PICK1: variants seen among roughly 807,000 people sequenced by gnomAD.
The protein encoded by PICK1 is protein interacting with PRKCA 1.
Under a neutral mutation model 48.9 loss-of-function variants are expected in PICK1, and 23 were observed. The observed-to-expected ratio is 0.47, with a 90% confidence interval of 0.34 to 0.67. PICK1 has a LOEUF of 0.67. Ranked by LOEUF, PICK1 falls within the 30% of genes least tolerant of loss-of-function variation. The probability of loss-of-function intolerance (pLI) is 0.01; values close to 1 mark genes in which losing one functional copy is unlikely to be tolerated. For synonymous variants in PICK1, 217 were observed against 228.2 expected, an observed-to-expected ratio of 0.95 and a Z score of 0.44; for missense variants, 423 against 557.1, an observed-to-expected ratio of 0.76 and a Z score of 2.42.
At chr22:38,069,307 A>G (rs2085615567) in intron 6 of PICK1, among the ~76,000 whole-genome samples, 185 bp downstream of exon 6, 1 of 152,218 alleles carries the variant, frequency 6.6e-6, no homozygotes, top group Admixed American at 6.5e-5. Context: ...CGGAGGGTCC[A>G]CAGCTGTCAG....
chr22:38,069,546 A>G (rs546253835), intron 6 of PICK1, among the ~76,000 whole-genome samples: 2 of 152,300 alleles, frequency 1.3e-5, no homozygotes, highest in South Asian at 4.1e-4. Flanking sequence ...GCACATTTAC[A>G]CACGCATGCA....
rs143038203 is a variant in PICK1, at chr22:38,075,625, C to T, written c.*493C>T. On this transcript the variant is annotated 3_prime_UTR_variant, in exon 13 of 13. Transcript: ENST00000356976. Reference sequence around the variant, plus strand: ...CTCGGCGGCCTTTATTTATTCTGTTCCCCCAGCTCGGCCACTTCTCTGAAG... The same window carrying T: ...CTCGGCGGCCTTTATTTATTCTGTTTCCCCAGCTCGGCCACTTCTCTGAAG... The T allele has an allele frequency of 2.2e-3, 346 of 157,784 alleles. 7 individuals carry two copies. In the East Asian group the frequency reaches 0.037, roughly 17 times the overall value. The allele number at this position is 157,784 out of a possible 1,614,324, so 9.8% of individuals were successfully genotyped here.
At chr22:38,072,042 G>C (rs575708748) in intron 8 of PICK1, 369 of 509,716 alleles carry the variant, frequency 7.2e-4, no homozygotes, top group African/African-American at 6.6e-3. Context: ...GCCGACTGCA[G>C]CTGACCCCAG....
chr22:38,066,833 C>G lies in PICK1; in HGVS notation c.283-871C>G, dbSNP rs987282830. Among the ~76,000 whole-genome samples the G allele has an allele frequency of 6.6e-6, 1 of 152,236 alleles. No homozygotes were observed. The highest frequency in any genetic ancestry group is 1.5e-5 in the Non-Finnish European group (1 of 68,048). On this transcript the variant is annotated intron_variant, in intron 4 of 12. Coordinates refer to ENST00000356976, the MANE Select transcript of PICK1 (RefSeq NM_012407.4). The surrounding 1 kb of genome is among the most constrained non-coding windows in gnomAD (Gnocchi z 4.1). ...GATGAGAGTGAACACAGCGCCCTCC[C>G]GTGCTCAGGCAAGTCCTCTTGGGAG... is the stretch of plus-strand genomic sequence containing the variant.
rs1407078714 is a variant in PICK1, at chr22:38,075,395, C to T, written c.*263C>T. 2.0e-6 allele frequency: 1 copy of T among 507,920 alleles called. No individual in the cohort carries two copies. Among genetic ancestry groups the T allele is most frequent in the Non-Finnish European group, 3.5e-6 (1 of 284,930 alleles). The allele number at this position is 507,920 out of a possible 1,614,324, so 31.5% of individuals were successfully genotyped here. A position where few individuals can be genotyped will look rare whatever the true frequency, so the allele number is the denominator to read the frequency against. ...CCAGAGGGAGAGCTTGGTCTCTGGA[C>T]CTGCCTTAGGAAGGAGAGGGAGGGC... On this transcript the variant is annotated 3_prime_UTR_variant, in exon 13 of 13. Coordinates refer to ENST00000356976, the MANE Select transcript of PICK1 (RefSeq NM_012407.4).
rs1445683431 is a variant in PICK1 at position 38,066,436 on chromosome 22, G to A, written c.283-1268G>A. ...CCTCAGGTTGCCCATGAGGACAAGA[G>A]CTCTTTGTATTTGCACACAGCCATG... On this transcript the variant is annotated intron_variant, in intron 4 of 12. Transcript: ENST00000356976. This position sits in a 1 kb window ranked among gnomAD's most constrained non-coding sequence, Gnocchi z 4.1. Among the ~76,000 whole-genome samples, 3 of 152,248 alleles carry A rather than the reference G, an allele frequency of 2.0e-5. No homozygotes were observed. The highest frequency in any genetic ancestry group is 2.9e-5 in the Non-Finnish European group (2 of 68,044).
chr22:38,067,677 A>G (rs1489115987), intron 4 of PICK1, 27 bp from the exon 5 acceptor site: 1 of 1,606,530 alleles, frequency 6.2e-7, no homozygotes, highest in Non-Finnish European at 8.5e-7. Context: ...AGCCTCGCTC[A>G]CTAGTCTGTG....
intron 1 of PICK1, 22 bp downstream of exon 1, chr22:38,057,609 C>A: frequency 1.7e-6 from 1 of 605,066 alleles, no homozygotes; most frequent in Non-Finnish European, 2.9e-6. Context: ...CTACCCAGCC[C>A]CCCACCCGGA....
Position 38,067,456 on chromosome 22 carries a change from G to A in PICK1, c.283-248G>A, listed in dbSNP as rs550991443. ...CCTGAGCAGCTGGGATTACAGGCACGCGCCACTACGCCCAGCTAATTTTTG... is the reference window on the plus strand; with the variant it reads ...CCTGAGCAGCTGGGATTACAGGCACACGCCACTACGCCCAGCTAATTTTTG... On this transcript the variant is annotated intron_variant, in intron 4 of 12. Transcript: ENST00000356976. 11 of 429,844 alleles carry A rather than the reference G, an allele frequency of 2.6e-5. No individual in the cohort carries two copies. In the East Asian group the frequency reaches 3.7e-4, roughly 14 times the overall value. 26.6% of individuals were successfully genotyped at this position (429,844 alleles called of 1,614,324 possible). A position where few individuals can be genotyped will look rare whatever the true frequency, so the allele number is the denominator to read the frequency against.
intron 3 of PICK1, among the ~76,000 whole-genome samples, chr22:38,061,776 C>T (rs1044166632): frequency 4.6e-5 from 7 of 152,220 alleles, no homozygotes; most frequent in African/African-American, 7.2e-5. Context: ...CCGCCTCAGC[C>T]TCCCAAAGTG....
chr22:38,072,366 G>A (rs577915942), intron 8 of PICK1, 111 bp from the exon 9 acceptor site: 1 of 1,298,938 alleles, frequency 7.7e-7, no homozygotes, highest in Admixed American at 2.0e-5. Context: ...CCCCTGTGCA[G>A]ACATTGGCTT....
At position 38,067,788 on chromosome 22, in the gene PICK1, G is replaced by C. The variant is rs2085567819; in HGVS notation, c.349+18G>C. ...GGACATTGGTAAGCTGGTCAGAGCAGTTACGGGTGTCCAGCAGCCTCCCTG... is the reference window on the plus strand; with the variant it reads ...GGACATTGGTAAGCTGGTCAGAGCACTTACGGGTGTCCAGCAGCCTCCCTG... On this transcript the variant is annotated intron_variant, in intron 5 of 12. Coordinates refer to ENST00000356976, the MANE Select transcript of PICK1 (RefSeq NM_012407.4). 2 of 1,608,926 alleles carry C rather than the reference G, an allele frequency of 1.2e-6. No homozygotes were observed. Among genetic ancestry groups the C allele is most frequent in the African/African-American group, 2.7e-5 (2 of 74,840 alleles).
At chr22:38,062,758 A>G (rs1261051560) in intron 3 of PICK1, among the ~76,000 whole-genome samples, 2 of 152,182 alleles carry the variant, frequency 1.3e-5, no homozygotes, top group South Asian at 2.1e-4. Flanking sequence ...TTTTTTGGTC[A>G]TTGTGGTTCC....
At chr22:38,068,754 G>T (rs547826793) in intron 5 of PICK1, among the ~76,000 whole-genome samples, 3 of 152,192 alleles carry the variant, frequency 2.0e-5, no homozygotes, top group Non-Finnish European at 4.4e-5. Flanking sequence ...TGCTGAGCCC[G>T]GGCAGCACTG....
rs769683720 is a variant in PICK1, at chr22:38,074,474, TC to T, written c.979+25del. 2 of 1,612,520 alleles carry T rather than the reference TC, an allele frequency of 1.2e-6. No homozygotes were observed. The highest frequency in any genetic ancestry group is 2.2e-5 in the South Asian group (2 of 91,012). On this transcript the variant is annotated intron_variant, in intron 12 of 12. Coordinates refer to ENST00000356976, the MANE Select transcript of PICK1 (RefSeq NM_012407.4). The surrounding 1 kb of genome is among the most constrained non-coding windows in gnomAD (Gnocchi z 4.5). ...ACGGTGAGCGCCGCCCTCCTCCCCG[TC>T]CGCTCTCCATTTCAGAGGTGGGAAA...
At chr22:38,070,159 C>T (rs2085642157) in intron 6 of PICK1, among the ~76,000 whole-genome samples, 1 of 152,242 alleles carries the variant, frequency 6.6e-6, no homozygotes, top group South Asian at 2.1e-4. Context: ...CTCCTCCCCT[C>T]TTCTGCTAAA....
chr22:38,075,179 A>C lies in PICK1; in HGVS notation c.*47A>C. 2 of 1,573,948 alleles carry C rather than the reference A, an allele frequency of 1.3e-6. No homozygotes were observed. The highest frequency in any genetic ancestry group is 1.1e-5 in the South Asian group (1 of 87,458). ...GGGGGCAGGGTGCGTGGGAGGACGG[A>C]GCCTGGGAGCGGGGCGGGGCCGCCG... is the stretch of plus-strand genomic sequence containing the variant. On this transcript the variant is annotated 3_prime_UTR_variant, in exon 13 of 13. Coordinates refer to ENST00000356976, the MANE Select transcript of PICK1 (RefSeq NM_012407.4).
intron 3 of PICK1, 61 bp from the exon 4 acceptor site, chr22:38,064,941 T>C: frequency 6.2e-7 from 1 of 1,600,938 alleles, no homozygotes; most frequent in Non-Finnish European, 8.5e-7. Context: ...GTCAGGTGTC[T>C]TCCCAGGTTC....
intron 5 of PICK1, among the ~76,000 whole-genome samples, chr22:38,068,373 A>G (rs1476366631): frequency 6.6e-6 from 1 of 152,138 alleles, no homozygotes; most frequent in Non-Finnish European, 1.5e-5. Flanking sequence ...TTATGGATCA[A>G]AGCCTGAGAC....
Sources: gnomAD v4.1 joint callset for allele counts (sites outside exome capture counted in the v4.1 genomes callset) on GRCh38, gnomAD v4.1.1 for gene constraint, Gnocchi (gnomAD v3.1) non-coding constraint, MANE v1.5 for transcripts, NCBI Gene and HGNC (gene_info 2026-07-23, HGNC 2026-07-21) for gene names.